TEKT3: variants seen among roughly 807,000 people sequenced by gnomAD.
TEKT3 encodes the protein tektin 3.
In TEKT3, 49 loss-of-function variants were observed where a neutral mutation model predicts 49.8. That is an observed-to-expected ratio of 0.98 (90% confidence interval 0.78 to 1.25). The LOEUF is 1.25. TEKT3 is among the 50% of genes most tolerant of loss of function. The pLI is 0.00. For synonymous variants in TEKT3, 225 were observed against 237.2 expected, an observed-to-expected ratio of 0.95 and a Z score of 0.47; for missense variants, 595 against 629.5, an observed-to-expected ratio of 0.95 and a Z score of 0.59.
At chr17:15,333,120 C>A (rs549704515) in intron 2 of TEKT3, among the ~76,000 whole-genome samples, 2 of 151,426 alleles carry the variant, frequency 1.3e-5, no homozygotes, top group African/African-American at 4.8e-5. Context: ...TTGTCTGAAA[C>A]TTTTGGTCGT....
At chr17:15,313,945 G>C in intron 6 of TEKT3, 142 bp downstream of exon 6, 1 of 1,144,590 alleles carries the variant, frequency 8.7e-7, no homozygotes, top group Admixed American at 2.2e-5. Context: ...TTGCTTACTG[G>C]AGACTTGTCC....
At chr17:15,338,782 T>C (rs573523409) in intron 2 of TEKT3, among the ~76,000 whole-genome samples, 3 of 151,108 alleles carry the variant, frequency 2.0e-5, no homozygotes, top group Admixed American at 2.0e-4. Context: ...TCCCAAAGTG[T>C]TGGGATTACA....
At chr17:15,305,780 T>G (rs1198062291) in intron 8 of TEKT3, among the ~76,000 whole-genome samples, 1 of 144,204 alleles carries the variant, frequency 6.9e-6, no homozygotes, top group Non-Finnish European at 1.5e-5. Flanking sequence ...TGTCAAAACA[T>G]CAATGCTAAA....
chr17:15,337,066 A>C (rs906652678), intron 2 of TEKT3, among the ~76,000 whole-genome samples: 1 of 152,100 alleles, frequency 6.6e-6, no homozygotes, highest in East Asian at 1.9e-4. Context: ...TGTTTCAGAA[A>C]AAAAATAATA....
intron 7 of TEKT3, among the ~76,000 whole-genome samples, chr17:15,310,173 G>A (rs1910710914): frequency 6.6e-6 from 1 of 152,184 alleles, no homozygotes; most frequent in Non-Finnish European, 1.5e-5. Context: ...CTTGTAAACT[G>A]TGTTCACATT....
intron 4 of TEKT3, among the ~76,000 whole-genome samples, chr17:15,319,970 C>T (rs944283549): frequency 6.6e-6 from 1 of 152,186 alleles, no homozygotes; most frequent in African/African-American, 2.4e-5. Context: ...TTTCTCATGA[C>T]ATTAAAAAGT....
chr17:15,338,165 A>G (rs952294167), intron 2 of TEKT3, among the ~76,000 whole-genome samples: 1 of 152,242 alleles, frequency 6.6e-6, no homozygotes, highest in African/African-American at 2.4e-5. Context: ...AAGTAAACAA[A>G]ATATTGGTTA....
At chr17:15,340,332 G>C (rs189713207) in intron 1 of TEKT3, 3 of 150,292 alleles carry the variant, frequency 2.0e-5, no homozygotes, top group African/African-American at 4.9e-5. Flanking sequence ...TCAGGAGTTC[G>C]AGACCAGCCT....
chr17:15,308,741 C>T lies in TEKT3; in HGVS notation c.1179G>A (p.Leu393=), dbSNP rs1205149163. The T allele has an allele frequency of 1.2e-6, 2 of 1,613,932 alleles. No homozygotes were observed. Among genetic ancestry groups the T allele is most frequent in the Admixed American group, 1.7e-5 (1 of 60,006 alleles). ...KKAIKDKTAF[L]KVAQTRLDER... is the part of the protein sequence containing the mutation. Reference sequence around the variant, plus strand: ...CATCCAGTCTGGTCTGAGCCACCTTCAGGAAGGCAGTCTTGTCCTTGATGG... The same window carrying T: ...CATCCAGTCTGGTCTGAGCCACCTTTAGGAAGGCAGTCTTGTCCTTGATGG... Residue 393 remains leucine (L), a synonymous_variant, in exon 8 of 9, where the codon CTG becomes CTA. Coordinates refer to ENST00000395930, the MANE Select transcript of TEKT3 (RefSeq NM_031898.3).
chr17:15,330,678 GTATTTCT>G (rs996391516), intron 3 of TEKT3, among the ~76,000 whole-genome samples: 1 of 152,122 alleles, frequency 6.6e-6, no homozygotes, highest in African/African-American at 2.4e-5. Flanking sequence ...TGAGTCTCAG[GTATTTCT>G]TTATAGCAAT....
chr17:15,339,481 A>T (rs2150756956), intron 2 of TEKT3, among the ~76,000 whole-genome samples: 1 of 152,384 alleles, frequency 6.6e-6, no homozygotes, highest in South Asian at 2.1e-4. Context: ...ATGCTACAAT[A>T]GTCTTCCATA....
Position 15,314,132 on chromosome 17 carries a change from G to T in TEKT3, c.833C>A (p.Ser278Ter). The T allele has an allele frequency of 6.2e-7, 1 of 1,614,242 alleles. No individual in the cohort carries two copies. Among genetic ancestry groups the T allele is most frequent in the Non-Finnish European group, 8.5e-7 (1 of 1,180,050 alleles). ...TCCGCGGAAGTAGCCGACACCGTCTGATGTGTTGCGCAGGTGGTGGCATTT... is the reference window on the plus strand; with the variant it reads ...TCCGCGGAAGTAGCCGACACCGTCTTATGTGTTGCGCAGGTGGTGGCATTT... ...DDKCHHLRNT[S>*]DGVGYFRGVE... is the part of the protein sequence containing the mutation. Residue 278 changes from serine (S) to a stop codon, truncating the protein, a stop_gained, in exon 6 of 9, where the codon TCA becomes TAA. Transcript: ENST00000395930. LOFTEE classifies it high-confidence loss of function.
upstream of TEKT3, among the ~76,000 whole-genome samples, chr17:15,342,015 C>T (rs957823793): frequency 1.4e-4 from 21 of 152,188 alleles, no homozygotes; most frequent in African/African-American, 4.1e-4. Context: ...TGACCAGCCT[C>T]TCTTCTCTCC....
At chr17:15,313,456 A>G (rs1910854140) in intron 6 of TEKT3, among the ~76,000 whole-genome samples, 2 of 152,164 alleles carry the variant, frequency 1.3e-5, no homozygotes, top group Non-Finnish European at 2.9e-5. Context: ...CCTGTATCCC[A>G]CAGCATCCAG....
intron 5 of TEKT3, among the ~76,000 whole-genome samples, chr17:15,314,723 TG>T (rs1474806092): frequency 6.6e-6 from 1 of 152,130 alleles, no homozygotes; most frequent in Admixed American, 6.5e-5. Context: ...TGCCATCCAT[TG>T]GTAACCTTGG....
intron 4 of TEKT3, among the ~76,000 whole-genome samples, chr17:15,326,120 T>A (rs1489797367): frequency 1.3e-5 from 2 of 152,112 alleles, no homozygotes; most frequent in South Asian, 4.2e-4. Flanking sequence ...ATCTTTAATG[T>A]CATGGGTCAC....
chr17:15,308,635 G>C, intron 8 of TEKT3, 29 bp downstream of exon 8: 1 of 1,591,256 alleles, frequency 6.3e-7, no homozygotes, highest in East Asian at 2.3e-5. Context: ...CCCTCCGAGC[G>C]AGCCCCGAGC....
chr17:15,332,076 G>A (rs968800201), intron 2 of TEKT3, among the ~76,000 whole-genome samples: 5 of 151,520 alleles, frequency 3.3e-5, no homozygotes, highest in Non-Finnish European at 5.9e-5. Flanking sequence ...CTACTCAGGA[G>A]GCTGAGGCAG....
At chr17:15,331,717 C>A (rs1911760464) in intron 2 of TEKT3, 103 bp from the exon 3 acceptor site, 10 of 810,512 alleles carry the variant, frequency 1.2e-5, no homozygotes, top group Middle Eastern at 3.2e-4. Context: ...TTGCAGAGGC[C>A]CCGAACACAT....
Sources: gnomAD v4.1 joint callset for allele counts (sites outside exome capture counted in the v4.1 genomes callset) on GRCh38, gnomAD v4.1.1 for gene constraint, MANE v1.5 for transcripts, NCBI Gene and HGNC (gene_info 2026-07-23, HGNC 2026-07-21) for gene names.